The following CHD1 variants were observed in gnomAD, a reference collection of about 807,000 sequenced individuals.
CHD1 encodes the protein ATP-dependent chromatin remodeler CHD1.
Under a neutral mutation model 224.2 loss-of-function variants are expected in CHD1, and 36 were observed. That is an observed-to-expected ratio of 0.16 (90% CI 0.12 to 0.21). The LOEUF (loss-of-function observed/expected upper bound fraction) is 0.21, where lower values mean the gene tolerates loss of function less well. Among genes scored for constraint, CHD1 ranks in the 10% least tolerant of loss-of-function variants. CHD1 has a pLI of 1.00. For synonymous variants in CHD1, 668 were observed against 658.3 expected, an observed-to-expected ratio of 1.01 and a Z score of -0.23; for missense variants, 1,378 against 1,994.8, an observed-to-expected ratio of 0.69 and a Z score of 5.89.
chr5:98,868,649 G>C lies in CHD1; in HGVS notation c.4108-14C>G, dbSNP rs371685032. On this transcript the variant is annotated splice_polypyrimidine_tract_variant and intron_variant, in intron 30 of 35. Coordinates refer to ENST00000614616, the MANE Select transcript of CHD1 (RefSeq NM_001270.4). The stretch of plus-strand genomic sequence containing the variant: ...GGATTCACTCAACTAAAGAAAAAGT[G>C]AAAAGAAAACAAAAACAAAACCCCA... 26 of 1,522,714 alleles carry C rather than the reference G, an allele frequency of 1.7e-5. No homozygotes were observed. The highest frequency in any genetic ancestry group is 2.2e-5 in the Non-Finnish European group (25 of 1,136,606). The allele number at this position is 1,522,714 out of a possible 1,614,324, so 94.3% of individuals were successfully genotyped here.
rs751539723 is a variant in CHD1, at chr5:98,873,648, T to C, written c.3516A>G (p.Val1172=). The change falls in exon 26 of 36, where the codon GTA becomes GTG. Residue 1172 remains valine (V), a synonymous_variant. Coordinates refer to ENST00000614616, the MANE Select transcript of CHD1 (RefSeq NM_001270.4). ...TTAATGCTTTAATGCAACCATTATG[T>C]ACCAATTCTCCCAGTCGTCTAAGGT... ...ETDLRRLGEL[V]HNGCIKALKD... 5.6e-5 allele frequency: 91 copies of C among 1,610,684 alleles called. No homozygotes were observed. The highest frequency in any genetic ancestry group is 7.0e-5 in the Non-Finnish European group (83 of 1,178,604).
At chr5:98,902,587 A>T (rs1751790564) in intron 5 of CHD1, among the ~76,000 whole-genome samples, 1 of 152,064 alleles carries the variant, frequency 6.6e-6, no homozygotes, top group Non-Finnish European at 1.5e-5. Flanking sequence ...TCATCCTGTC[A>T]TCCCTATACT....
intron 16 of CHD1, 39 bp downstream of exon 16, chr5:98,889,037 G>C (rs750279984): frequency 2.4e-5 from 34 of 1,411,626 alleles, no homozygotes; most frequent in Non-Finnish European, 3.3e-5. Context: ...AACATTTCTA[G>C]AACTTTATCA....
At chr5:98,892,751 A>T in intron 14 of CHD1, 38 bp from the exon 15 acceptor site, 1 of 1,469,654 alleles carries the variant, frequency 6.8e-7, no homozygotes, top group Middle Eastern at 1.8e-4. Flanking sequence ...TACTAGAAAA[A>T]ATCAAATTGT....
At chr5:98,882,293 T>C (rs1750248171) in intron 19 of CHD1, among the ~76,000 whole-genome samples, 170 bp from the exon 20 acceptor site, 1 of 152,176 alleles carries the variant, frequency 6.6e-6, no homozygotes, top group African/African-American at 2.4e-5. Flanking sequence ...GTTCCTCAAC[T>C]TAAGGGACTA....
intron 25 of CHD1, among the ~76,000 whole-genome samples, chr5:98,874,634 C>A (rs1275870674): frequency 6.6e-6 from 1 of 151,096 alleles, no homozygotes; most frequent in Non-Finnish European, 1.5e-5. Context: ...ATCACATGAA[C>A]CCATGAGGTG....
chr5:98,894,328 GCTTTTT>G (rs1751211399), intron 13 of CHD1, among the ~76,000 whole-genome samples: 1 of 152,142 alleles, frequency 6.6e-6, no homozygotes. Flanking sequence ...GAGTTGGCAA[GCTTTTT>G]CTAAGAAGAG....
At chr5:98,889,789 C>G (rs1750890993) in intron 15 of CHD1, 1 of 152,012 alleles carries the variant, frequency 6.6e-6, no homozygotes, top group African/African-American at 2.4e-5. Flanking sequence ...TAGAATGGTC[C>G]CCATACAAGG....
rs770011850 is a variant in CHD1, at chr5:98,883,178, A to T, written c.2628T>A (p.Ala876=). The T allele has an allele frequency of 1.2e-6, 2 of 1,606,846 alleles. No homozygotes were observed. The highest frequency in any genetic ancestry group is 1.7e-6 in the Non-Finnish European group (2 of 1,177,318). Reference sequence around the variant, plus strand: ...CGGAATCAAATATAACAACAGTGTCAGCAGAGGCTAAATTAATCCCTAGAC... The same window carrying T: ...CGGAATCAAATATAACAACAGTGTCTGCAGAGGCTAAATTAATCCCTAGAC... ...AGGLGINLAS[A]DTVVIFDSDW... Residue 876 remains alanine (A), a synonymous_variant, in exon 19 of 36, where the codon GCT becomes GCA. Coordinates refer to ENST00000614616, the MANE Select transcript of CHD1 (RefSeq NM_001270.4).
At chr5:98,925,074 T>A (rs1032087357) in intron 2 of CHD1, among the ~76,000 whole-genome samples, 3 of 152,170 alleles carry the variant, frequency 2.0e-5, no homozygotes, top group Admixed American at 6.5e-5. Context: ...ATCTTCCTAA[T>A]TGCCAAAACT....
chr5:98,901,352 T>C lies in CHD1; in HGVS notation c.438-17A>G, dbSNP rs1751697409. On this transcript the variant is annotated splice_polypyrimidine_tract_variant and intron_variant, in intron 5 of 35. Coordinates refer to ENST00000614616, the MANE Select transcript of CHD1 (RefSeq NM_001270.4). ...CAATCTTCACTGCAGACAAAATTTA[T>C]AAAGTATTTTTATTTGTACTTATAT... is the stretch of plus-strand genomic sequence containing the variant. The C allele has an allele frequency of 2.5e-6, 4 of 1,588,834 alleles. 1 individual carries two copies. Among genetic ancestry groups the C allele is most frequent in the African/African-American group, 2.7e-5 (2 of 73,464 alleles).
rs187668503 is a variant in CHD1 at position 98,871,914 on chromosome 5, T to G, written c.3861+137A>C. 2.3e-4 allele frequency: 148 copies of G among 652,404 alleles called. No homozygotes were observed. In the East Asian group the frequency reaches 4.1e-3, roughly 18 times the overall value. The allele number at this position is 652,404 out of a possible 1,614,324, so 40.4% of individuals were successfully genotyped here. A position where few individuals can be genotyped will look rare whatever the true frequency, so the allele number is the denominator to read the frequency against. ...TGATCCTTTCATGCAAAGCATCTTCTAAACGCACCAAGGTCACACAACCAG... is the reference window on the plus strand; with the variant it reads ...TGATCCTTTCATGCAAAGCATCTTCGAAACGCACCAAGGTCACACAACCAG... On this transcript the variant is annotated intron_variant, in intron 28 of 35. Transcript: ENST00000614616.
At chr5:98,912,885 T>C (rs1397837577) in intron 2 of CHD1, among the ~76,000 whole-genome samples, 1 of 152,170 alleles carries the variant, frequency 6.6e-6, no homozygotes, top group African/African-American at 2.4e-5. Flanking sequence ...ACATAAAGAT[T>C]TTCTTTCTTG....
chr5:98,899,731 C>A (rs1360591980), intron 7 of CHD1, 26 bp from the exon 8 acceptor site: 1 of 1,492,938 alleles, frequency 6.7e-7, no homozygotes, highest in Non-Finnish European at 9.3e-7. Flanking sequence ...CAAGATCCTT[C>A]CATGTAATTA....
At chr5:98,884,904 AT>A (rs889355441) in intron 18 of CHD1, among the ~76,000 whole-genome samples, 2 of 149,534 alleles carry the variant, frequency 1.3e-5, no homozygotes, top group African/African-American at 2.5e-5. Flanking sequence ...TTTTATTTTT[AT>A]TTTTTTTTGT....
intron 2 of CHD1, among the ~76,000 whole-genome samples, chr5:98,911,281 T>C (rs1188165580): frequency 6.6e-6 from 1 of 150,642 alleles, no homozygotes; most frequent in Non-Finnish European, 1.5e-5. Context: ...TAAAGACAGT[T>C]AAGGATCACT....
chr5:98,892,983 T>C (rs962087717), intron 14 of CHD1, among the ~76,000 whole-genome samples: 1 of 152,108 alleles, frequency 6.6e-6, no homozygotes, highest in Non-Finnish European at 1.5e-5. Context: ...AAAATATTTC[T>C]CAAAAAAATA....
At chr5:98,879,121 C>T (rs1339279743) in intron 23 of CHD1, among the ~76,000 whole-genome samples, 1 of 152,102 alleles carries the variant, frequency 6.6e-6, no homozygotes, top group Non-Finnish European at 1.5e-5. Flanking sequence ...GTAGTCCCAG[C>T]TATTTGGGAG....
At chr5:98,893,744 A>C in intron 13 of CHD1, 138 bp from the exon 14 acceptor site, 2 of 600,374 alleles carry the variant, frequency 3.3e-6, no homozygotes, top group Non-Finnish European at 5.7e-6. Context: ...AAAAAATCGT[A>C]ATCTCAAGAT....
Sources: allele counts gnomAD v4.1 joint callset (sites outside exome capture counted in the v4.1 genomes callset), GRCh38; gene constraint gnomAD v4.1.1; transcripts MANE v1.5; gene names NCBI Gene and HGNC (gene_info 2026-07-23, HGNC 2026-07-21).